The following ABCC3 variants were observed in gnomAD, a reference collection of about 807,000 sequenced individuals.
The protein encoded by ABCC3 is ATP-binding cassette sub-family C member 3.
A neutral mutation model predicts 165.3 loss-of-function variants in ABCC3; 121 were observed. The ratio of observed to expected loss-of-function variants is 0.73; its 90% confidence interval spans 0.63 to 0.85. The LOEUF (loss-of-function observed/expected upper bound fraction) is 0.85, where lower values mean the gene tolerates loss of function less well. ABCC3 is among the 40% of genes least tolerant of loss of function. The probability of loss-of-function intolerance (pLI) is 0.00; values close to 1 mark genes in which losing one functional copy is unlikely to be tolerated. For missense variants in ABCC3, 1,869 were observed against 1,964.1 expected (o/e 0.95, Z 0.92); for synonymous variants, 733 against 810.1 (o/e 0.90, Z 1.62).
intron 11 of ABCC3, among the ~76,000 whole-genome samples, chr17:50,666,387 C>T (rs1404924701): frequency 2.0e-5 from 3 of 152,174 alleles, no homozygotes; most frequent in Admixed American, 1.3e-4. Flanking sequence ...AGGAGAATCC[C>T]TTGAATCCAG....
At chr17:50,672,633 C>T (rs991215532) in intron 17 of ABCC3, among the ~76,000 whole-genome samples, 1 of 152,122 alleles carries the variant, frequency 6.6e-6, no homozygotes. Flanking sequence ...GGGAGGCTGA[C>T]GTGGGCCAAT....
chr17:50,668,805 C>G (rs963000665), intron 14 of ABCC3, 48 bp from the exon 15 acceptor site: 1 of 1,543,694 alleles, frequency 6.5e-7, no homozygotes, highest in Non-Finnish European at 8.9e-7. Flanking sequence ...GCAGGCTACC[C>G]CATCCCTTGA....
At chr17:50,666,054 T>G (rs761102925) in intron 11 of ABCC3, among the ~76,000 whole-genome samples, 8 of 152,132 alleles carry the variant, frequency 5.3e-5, no homozygotes, top group Non-Finnish European at 1.0e-4. Context: ...CTTTCTTTTC[T>G]CCACAGCACC....
rs201886646 is a variant in ABCC3, at chr17:50,634,975, G to C, written c.39G>C (p.Lys13Asn). Residue 13 changes from lysine (K) to asparagine (N), a missense_variant, in exon 1 of 31, where the codon AAG (lysine) becomes AAC (asparagine). By Grantham distance (94) the Lys-to-Asn change is moderately conservative. Transcript: ENST00000285238. ...GCGGTTCCGGGGAGCTCGGCTCCAA[G>C]TTCTGGGTAAGGCGCGGGGCTCCGG... ...ALCGSGELGS[K>N]FWDSNLSVHT... 9,160 of 1,260,280 alleles carry C rather than the reference G, an allele frequency of 7.3e-3. 37 individuals carry two copies. The highest frequency in any genetic ancestry group is 8.0e-3 in the Non-Finnish European group (7,972 of 1,000,370). 78.1% of individuals were successfully genotyped at this position (1,260,280 alleles called of 1,614,324 possible).
At chr17:50,686,422 TC>T in intron 29 of ABCC3, among the ~76,000 whole-genome samples, 1 of 152,092 alleles carries the variant, frequency 6.6e-6, no homozygotes, top group South Asian at 2.1e-4. Context: ...TGGACAACAT[TC>T]CCCAAGGCCC....
Position 50,658,076 on chromosome 17 carries a change from A to C in ABCC3, c.487-6A>C. 1 of 1,613,952 alleles carries C rather than the reference A, an allele frequency of 6.2e-7. No homozygotes were observed. Among genetic ancestry groups the C allele is most frequent in the Non-Finnish European group, 8.5e-7 (1 of 1,179,872 alleles). ...GCTTCTGACGCCCCTCCACTCTCCCACCCAGGGTGAGATCTCAGACCCCTT... is the reference window on the plus strand; with the variant it reads ...GCTTCTGACGCCCCTCCACTCTCCCCCCCAGGGTGAGATCTCAGACCCCTT... On this transcript the variant is annotated splice_region_variant and splice_polypyrimidine_tract_variant and intron_variant, in intron 4 of 30. Transcript: ENST00000285238.
At chr17:50,655,447 A>C (rs1176023405) in intron 1 of ABCC3, among the ~76,000 whole-genome samples, 1 of 149,118 alleles carries the variant, frequency 6.7e-6, no homozygotes, top group Non-Finnish European at 1.5e-5. Context: ...AAGAGTGGGA[A>C]TCCAGAATGA....
chr17:50,663,324 C>T, intron 8 of ABCC3: 1 of 264,766 alleles, frequency 3.8e-6, no homozygotes, highest in South Asian at 6.2e-5. Flanking sequence ...TCTAGAGCCC[C>T]CAGCAGCCTA....
chr17:50,672,288 G>T (rs1967664975), intron 17 of ABCC3, among the ~76,000 whole-genome samples: 1 of 152,168 alleles, frequency 6.6e-6, no homozygotes, highest in African/African-American at 2.4e-5. Context: ...TTCGTGACGG[G>T]CTTATTTCAC....
In ABCC3 at chr17:50,678,081, G is replaced by T. The variant is rs1967861668; in HGVS notation, c.3579-12G>T. On this transcript the variant is annotated splice_polypyrimidine_tract_variant and intron_variant, in intron 24 of 30. Coordinates refer to ENST00000285238, the MANE Select transcript of ABCC3 (RefSeq NM_003786.4). ...CCCCTGCCCCATTTCCTCCTCATCT[G>T]ATCCCCCATAGGTGGCTGAGCATCG... The T allele has an allele frequency of 6.2e-7, 1 of 1,611,814 alleles. No homozygotes were observed. The highest frequency in any genetic ancestry group is 8.5e-7 in the Non-Finnish European group (1 of 1,178,676).
chr17:50,659,853 G>A (rs944030369), intron 7 of ABCC3, among the ~76,000 whole-genome samples: 2 of 152,178 alleles, frequency 1.3e-5, no homozygotes, highest in Admixed American at 1.3e-4. Context: ...GGGCATGGTG[G>A]TGTGCACCTG....
At chr17:50,675,096 C>A (rs1967771434) in intron 19 of ABCC3, among the ~76,000 whole-genome samples, 1 of 152,192 alleles carries the variant, frequency 6.6e-6, no homozygotes, top group Non-Finnish European at 1.5e-5. Flanking sequence ...CCATGCCCGA[C>A]CAAGGACGTG....
chr17:50,660,597 A>G (rs1012659834), intron 7 of ABCC3, among the ~76,000 whole-genome samples: 4 of 152,020 alleles, frequency 2.6e-5, no homozygotes, highest in Non-Finnish European at 5.9e-5. Context: ...TGGCTGTACC[A>G]ACAGCCATCC....
At chr17:50,650,508 C>A (rs145184978) in intron 1 of ABCC3, among the ~76,000 whole-genome samples, 3 of 152,272 alleles carry the variant, frequency 2.0e-5, no homozygotes, top group African/African-American at 7.2e-5. Flanking sequence ...TTCCACAAAC[C>A]TCCTACAACT....
Position 50,668,839 on chromosome 17 carries a change from C to T in ABCC3, c.1871-14C>T. ...GAGCTCCCTCCCTGACCCTGCCCAC[C>T]TTGGTCCTCTCAGGCTATGCCATCA... is the stretch of plus-strand genomic sequence containing the variant. On this transcript the variant is annotated splice_polypyrimidine_tract_variant and intron_variant, in intron 14 of 30. Transcript: ENST00000285238. The T allele has an allele frequency of 1.2e-6, 2 of 1,613,506 alleles. No homozygotes were observed. The highest frequency in any genetic ancestry group is 2.7e-5 in the African/African-American group (2 of 74,990).
intron 1 of ABCC3, among the ~76,000 whole-genome samples, chr17:50,646,434 G>A (rs552466599): frequency 2.0e-5 from 3 of 152,326 alleles, no homozygotes; most frequent in Admixed American, 1.3e-4. Flanking sequence ...TAGATATGGA[G>A]CTGGAGATTT....
chr17:50,678,028 C>T lies in ABCC3; in HGVS notation c.3579-65C>T, dbSNP rs752549919. 3.7e-6 allele frequency: 6 copies of T among 1,614,038 alleles called. No individual in the cohort carries two copies. In the Admixed American group the frequency reaches 5.0e-5, roughly 13 times the overall value. On this transcript the variant is annotated intron_variant, in intron 24 of 30. Coordinates refer to ENST00000285238, the MANE Select transcript of ABCC3 (RefSeq NM_003786.4). ...GTTCAGGGTCCTTGTCCCTCCTTTC[C>T]CCTAAGCAGAAAACTGGCCCTGCCC... is the stretch of plus-strand genomic sequence containing the variant.
chr17:50,675,669 G>A lies in ABCC3; in HGVS notation c.2753G>A (p.Gly918Asp), dbSNP rs1307048456. 2 of 1,573,152 alleles carry A rather than the reference G, an allele frequency of 1.3e-6. No homozygotes were observed. Among genetic ancestry groups the A allele is most frequent in the Non-Finnish European group, 1.7e-6 (2 of 1,159,336 alleles). Residue 918 changes from glycine (G) to aspartate (D), a missense_variant, in exon 21 of 31, where the codon GGT (glycine) becomes GAT (aspartate). Transcript: ENST00000285238. ...SALSSDGEGQGRPVPRRHLGP... is the reference protein window; with the variant it reads ...SALSSDGEGQDRPVPRRHLGP... ...CTGTCCTCAGATGGGGAGGGACAGG[G>A]TCGGCCTGTACCCCGGAGGCACCTG...
At chr17:50,660,083 T>C (rs935359104) in intron 7 of ABCC3, among the ~76,000 whole-genome samples, 1 of 152,164 alleles carries the variant, frequency 6.6e-6, no homozygotes, top group African/African-American at 2.4e-5. Flanking sequence ...GGAATCCACA[T>C]GGAGCCGGCT....
Sources: gnomAD v4.1 joint callset for allele counts (sites outside exome capture counted in the v4.1 genomes callset) on GRCh38, gnomAD v4.1.1 for gene constraint, MANE v1.5 for transcripts, NCBI Gene and HGNC (gene_info 2026-07-23, HGNC 2026-07-21) for gene names.